TM4SF5: variants seen among roughly 807,000 people sequenced by gnomAD.
The protein encoded by TM4SF5 is transmembrane 4 L6 family member 5.
TM4SF5 carries 16 observed loss-of-function variants against 22.3 expected under a neutral mutation model. The ratio of observed to expected loss-of-function variants is 0.72; its 90% CI spans 0.49 to 1.09. The LOEUF (loss-of-function observed/expected upper bound fraction) is 1.09. Ranked by LOEUF, TM4SF5 falls within the 50% of genes least tolerant of loss-of-function variation. The probability of loss-of-function intolerance (pLI) is 0.00; values close to 1 mark genes in which losing one functional copy is unlikely to be tolerated. For missense variants in TM4SF5, 249 were observed against 266.1 expected, an observed-to-expected ratio of 0.94 and a Z score of 0.45; for synonymous variants, 113 against 109.6, an observed-to-expected ratio of 1.03 and a Z score of -0.19.
intron 1 of TM4SF5, among the ~76,000 whole-genome samples, chr17:4,774,456 C>T (rs1427523261): frequency 6.6e-6 from 1 of 151,176 alleles, no homozygotes; most frequent in Non-Finnish European, 1.5e-5. Flanking sequence ...TGCCTGTAGT[C>T]CTAGTTTGGG....
At chr17:4,772,204 A>G in intron 1 of TM4SF5, 105 bp downstream of exon 1, 4 of 1,437,776 alleles carry the variant, frequency 2.8e-6, no homozygotes, top group Non-Finnish European at 3.8e-6. Flanking sequence ...TGCTTGGGAG[A>G]GGATGGCAAT....
At position 4,780,799 on chromosome 17, in the gene TM4SF5, C is replaced by T. The variant is rs374954745; in HGVS notation, c.188C>T (p.Pro63Leu). 23 of 1,610,486 alleles carry T rather than the reference C, an allele frequency of 1.4e-5. No individual in the cohort carries two copies. The highest frequency in any genetic ancestry group is 2.2e-5 in the East Asian group (1 of 44,624). The part of the protein sequence containing the change: ...FIGGGLMVLC[P>L]GIAAVRAGGK... ...ACTCTTGTCCCACAGGTACTGTGTC[C>T]GGGGATTGCAGCCGTTCGGGCAGGG... Residue 63 changes from proline (P) to leucine (L), a missense_variant, in exon 2 of 5, where the codon CCG (proline) becomes CTG (leucine). By Grantham distance (98) the Pro-to-Leu change is moderately conservative. Coordinates refer to ENST00000270560, the MANE Select transcript of TM4SF5 (RefSeq NM_003963.3).
intron 2 of TM4SF5, among the ~76,000 whole-genome samples, chr17:4,781,135 T>TAAAAA (rs541886050): frequency 1.6e-5 from 2 of 125,182 alleles, no homozygotes; most frequent in South Asian, 2.8e-4. Flanking sequence ...AGCAGTGATT[T>TAAAAA]AAAAAAAAAA....
intron 1 of TM4SF5, among the ~76,000 whole-genome samples, chr17:4,778,934 G>A (rs1472223195): frequency 6.6e-6 from 1 of 151,424 alleles, no homozygotes; most frequent in African/African-American, 2.4e-5. Flanking sequence ...GCATGTGCAT[G>A]TAGTCCCAGC....
At position 4,783,135 on chromosome 17, in the gene TM4SF5, AC is replaced by A; in HGVS notation, c.*8del. 1 of 1,613,444 alleles carries A rather than the reference AC, an allele frequency of 6.2e-7. No homozygotes were observed. Among genetic ancestry groups the A allele is most frequent in the Middle Eastern group, 1.7e-4 (1 of 5,920 alleles). On this transcript the variant is annotated 3_prime_UTR_variant, in exon 5 of 5. Transcript: ENST00000270560. ...GCAGGACACACCTCACTGAGGCTCCACTGACCGCCGGGTTACACCTGCTCCT... is the reference window on the plus strand; with the variant it reads ...GCAGGACACACCTCACTGAGGCTCCATGACCGCCGGGTTACACCTGCTCCT...
At position 4,772,039 on chromosome 17, in the gene TM4SF5, C is replaced by T; in HGVS notation, c.117C>T (p.Asn39=). The change falls in exon 1 of 5, where the codon AAC becomes AAT. Residue 39 remains asparagine (N), a synonymous_variant. Coordinates refer to ENST00000270560, the MANE Select transcript of TM4SF5 (RefSeq NM_003963.3). ...CTAATGGGGAGACCTCCTGGACCAACACCAACCATCTCAGCTTGCAAGTCT... is the reference window on the plus strand; with the variant it reads ...CTAATGGGGAGACCTCCTGGACCAATACCAACCATCTCAGCTTGCAAGTCT... ...LVPNGETSWT[N]TNHLSLQVWL... The T allele has an allele frequency of 6.2e-7, 1 of 1,614,230 alleles. No homozygotes were observed. The highest frequency in any genetic ancestry group is 8.5e-7 in the Non-Finnish European group (1 of 1,180,036).
chr17:4,782,763 G>A, intron 3 of TM4SF5, 91 bp from the exon 4 acceptor site: 1 of 1,570,144 alleles, frequency 6.4e-7, no homozygotes, highest in East Asian at 2.2e-5. Flanking sequence ...GGGCTACCTG[G>A]GCCTTAGCAA....
rs2150648623 is a variant in TM4SF5 at position 4,782,490 on chromosome 17, A to G, written c.259-13A>G. On this transcript the variant is annotated splice_polypyrimidine_tract_variant and intron_variant, in intron 2 of 4. Transcript: ENST00000270560. ...GAGATTGGGCCTTACCTCCCCTTCC[A>G]CACCACATCCAGATGCTGCGCTCGG... 1 of 1,613,336 alleles carries G rather than the reference A, an allele frequency of 6.2e-7. No homozygotes were observed. The highest frequency in any genetic ancestry group is 8.5e-7 in the Non-Finnish European group (1 of 1,179,870).
At chr17:4,772,453 G>A (rs573698857) in intron 1 of TM4SF5, among the ~76,000 whole-genome samples, 2 of 152,296 alleles carry the variant, frequency 1.3e-5, no homozygotes, top group East Asian at 3.9e-4. Context: ...CGTCATCGGG[G>A]CAGGATAATA....
At chr17:4,777,949 G>A (rs985508209) in intron 1 of TM4SF5, among the ~76,000 whole-genome samples, 1 of 152,094 alleles carries the variant, frequency 6.6e-6, no homozygotes, top group African/African-American at 2.4e-5. Context: ...CTAATGCTAA[G>A]GTGAGAGGAT....
chr17:4,782,478 A>C (rs771928764), intron 2 of TM4SF5, 25 bp from the exon 3 acceptor site: 1 of 1,611,716 alleles, frequency 6.2e-7, no homozygotes, highest in South Asian at 1.1e-5. Flanking sequence ...ATTGGGCCTT[A>C]CCTCCCCTTC....
rs770875253 is a variant in TM4SF5 at position 4,783,048 on chromosome 17, T to C, written c.579+11T>C. 6.2e-7 allele frequency: 1 copy of C among 1,614,126 alleles called. No individual in the cohort carries two copies. Among genetic ancestry groups the C allele is most frequent in the Non-Finnish European group, 8.5e-7 (1 of 1,179,964 alleles). ...TGCAGGAAAAAACAGGTGAAATTTC[T>C]TGCGGTGGAGTTGTAGAGGGAACCT... On this transcript the variant is annotated intron_variant, in intron 4 of 4. Transcript: ENST00000270560.
At chr17:4,772,138 G>C (rs779481559) in intron 1 of TM4SF5, 39 bp downstream of exon 1, 1 of 1,612,200 alleles carries the variant, frequency 6.2e-7, no homozygotes, top group East Asian at 2.2e-5. Flanking sequence ...CAGCTGGCTG[G>C]GTGCCACCTA....
At position 4,783,121 on chromosome 17, in the gene TM4SF5, C is replaced by T. The variant is rs557079315; in HGVS notation, c.587C>T (p.Pro196Leu). The T allele has an allele frequency of 4.0e-5, 65 of 1,613,834 alleles. No homozygotes were observed. The South Asian group carries it at 6.9e-4, about 17-fold the overall frequency. ...CGDCRKKQDT[P>L]H ...ACCTTCTCTTTTCCGCAGGACACAC[C>T]TCACTGAGGCTCCACTGACCGCCGG... The change falls in exon 5 of 5, where the codon CCT (proline) becomes CTT (leucine). Residue 196 changes from proline (P) to leucine (L), a missense_variant. Transcript: ENST00000270560.
Position 4,782,930 on chromosome 17 carries a change from C to G in TM4SF5, c.472C>G (p.Leu158Val). Residue 158 changes from leucine to valine, a missense_variant, in exon 4 of 5, where the codon CTC becomes GTC. Coordinates refer to ENST00000270560, the MANE Select transcript of TM4SF5 (RefSeq NM_003963.3). ...PPRVVPWNVTLFSLLVAASCL... is the reference protein window; with the variant it reads ...PPRVVPWNVTVFSLLVAASCL... Reference sequence around the variant, plus strand: ...TCGCGTGGTCCCCTGGAATGTGACGCTCTTCTCGCTGCTGGTGGCCGCCTC... The same window carrying G: ...TCGCGTGGTCCCCTGGAATGTGACGGTCTTCTCGCTGCTGGTGGCCGCCTC... 6.2e-7 allele frequency: 1 copy of G among 1,614,258 alleles called. No individual in the cohort carries two copies. Among genetic ancestry groups the G allele is most frequent in the Non-Finnish European group, 8.5e-7 (1 of 1,180,046 alleles).
intron 3 of TM4SF5, 93 bp from the exon 4 acceptor site, chr17:4,782,761 T>TG: frequency 6.4e-7 from 1 of 1,570,282 alleles, no homozygotes; most frequent in East Asian, 2.2e-5. Flanking sequence ...GTGGGCTACC[T>TG]GGGCCTTAGC....
At position 4,772,064 on chromosome 17, in the gene TM4SF5, T is replaced by C. The variant is rs944168221; in HGVS notation, c.142T>C (p.Trp48Arg). 1 of 1,614,198 alleles carries C rather than the reference T, an allele frequency of 6.2e-7. No individual in the cohort carries two copies. The highest frequency in any genetic ancestry group is 1.3e-5 in the African/African-American group (1 of 75,060). Residue 48 changes from tryptophan to arginine, a missense_variant, in exon 1 of 5, where the codon TGG becomes CGG. Transcript: ENST00000270560. ...CACCAACCATCTCAGCTTGCAAGTC[T>C]GGCTCATGGGCGGCTTCATTGGCGG... Reference protein sequence around the residue: ...TNTNHLSLQVWLMGGFIGGGL... With the variant: ...TNTNHLSLQVRLMGGFIGGGL...
rs1295854702 is a variant in TM4SF5, at chr17:4,780,009, T to A, written c.178-780T>A. 7.2e-5 allele frequency among the ~76,000 whole-genome samples: 11 copies of A among 151,994 alleles called. No individual in the cohort carries two copies. In the East Asian group the frequency reaches 2.1e-3, roughly 29 times the overall value. ...ACACTCCAACACCTCTATCCCTTCC[T>A]GCTGCTGAGGGAACTTATAAATATT... On this transcript the variant is annotated intron_variant, in intron 1 of 4. Coordinates refer to ENST00000270560, the MANE Select transcript of TM4SF5 (RefSeq NM_003963.3).
intron 1 of TM4SF5, among the ~76,000 whole-genome samples, chr17:4,772,444 G>A (rs556634822): frequency 2.0e-5 from 3 of 152,296 alleles, no homozygotes; most frequent in East Asian, 1.9e-4. Context: ...TGTCAGAGAC[G>A]TCATCGGGGC....
Sources: gnomAD v4.1 joint callset for allele counts (sites outside exome capture counted in the v4.1 genomes callset) on GRCh38, gnomAD v4.1.1 for gene constraint, MANE v1.5 for transcripts, NCBI Gene and HGNC (gene_info 2026-07-23, HGNC 2026-07-21) for gene names.